SYCP1: variants seen among roughly 807,000 people sequenced by gnomAD.
SYCP1 encodes the protein cancer/testis antigen 8.
SYCP1 carries 64 observed loss-of-function variants against 153.1 expected under a neutral mutation model. That is an observed-to-expected ratio of 0.42 (90% CI 0.34 to 0.51). The LOEUF (loss-of-function observed/expected upper bound fraction) is 0.51, where lower values mean the gene tolerates loss of function less well. Among genes scored for constraint, SYCP1 ranks in the 20% least tolerant of loss-of-function variants. The pLI is 0.06. For synonymous variants in SYCP1, 384 were observed against 341.8 expected, an observed-to-expected ratio of 1.12 and a Z score of -1.36; for missense variants, 997 against 1,049.0, an observed-to-expected ratio of 0.95 and a Z score of 0.68.
rs115709775 is a variant in SYCP1 at position 114,856,048 on chromosome 1, A to G, written c.108+476A>G. The stretch of plus-strand genomic sequence containing the variant: ...TTATGTAATGGTGTTATCATTGGAT[A>G]GGAGGAATTATACCAAGTTTCTCAG... On this transcript the variant is annotated intron_variant, in intron 2 of 31. Coordinates refer to ENST00000369522, the MANE Select transcript of SYCP1 (RefSeq NM_003176.4). Among the ~76,000 whole-genome samples the G allele has an allele frequency of 4.2e-3, 634 of 152,316 alleles. 1 individual carries two copies. The highest frequency in any genetic ancestry group is 7.4e-3 in the Admixed American group (113 of 15,290).
intron 20 of SYCP1, among the ~76,000 whole-genome samples, chr1:114,915,381 C>T (rs1414119645): frequency 6.6e-6 from 1 of 152,168 alleles, no homozygotes; most frequent in Non-Finnish European, 1.5e-5. Flanking sequence ...TCTCAAAGCA[C>T]AAGTTACTAT....
At chr1:114,889,384 T>C (rs995311029) in intron 15 of SYCP1, among the ~76,000 whole-genome samples, 25 of 152,366 alleles carry the variant, frequency 1.6e-4, no homozygotes, top group African/African-American at 4.8e-4. Context: ...GACTTTTTAA[T>C]GATCGCCATT....
In SYCP1 at chr1:114,912,754, GTA is replaced by G. The variant is rs994370810; in HGVS notation, c.1530-277_1530-276del. ...ATGTGCTCTTCAAAATTTGTGGAAA[GTA>G]TGAAAGGATGAGCAAACAGGGAACA... On this transcript the variant is annotated intron_variant, in intron 18 of 31. Transcript: ENST00000369522. 3.8e-4 allele frequency among the ~76,000 whole-genome samples: 58 copies of G among 151,974 alleles called. 2 individuals carry two copies. Among genetic ancestry groups the G allele is most frequent in the African/African-American group, 1.4e-3 (58 of 41,512 alleles).
intron 11 of SYCP1, 109 bp from the exon 12 acceptor site, chr1:114,877,985 C>A: frequency 1.5e-6 from 1 of 646,290 alleles, no homozygotes; most frequent in Non-Finnish European, 2.6e-6. Context: ...GTTAAGTGGA[C>A]CAGCTGAAAA....
At chr1:114,984,445 C>T (rs1409430342) in intron 29 of SYCP1, among the ~76,000 whole-genome samples, 1 of 151,948 alleles carries the variant, frequency 6.6e-6, no homozygotes, top group Non-Finnish European at 1.5e-5. Flanking sequence ...GTGTGTCTGT[C>T]TCTCTGTTTC....
At position 114,910,479 on chromosome 1, in the gene SYCP1, T is replaced by G. The variant is rs775037981; in HGVS notation, c.1403T>G (p.Ile468Ser). ...EELKGTEQEL[I>S]GLLQAREKEV... Reference sequence around the variant, plus strand: ...TTAAAAGGAACAGAACAAGAACTAATTGGTCTTCTCCAAGCCAGAGAGGTT... The same window carrying G: ...TTAAAAGGAACAGAACAAGAACTAAGTGGTCTTCTCCAAGCCAGAGAGGTT... The change falls in exon 17 of 32, where the codon ATT becomes AGT. Residue 468 changes from isoleucine (I) to serine (S), a missense_variant. This residue lies in a region of SYCP1 where 712 missense variants were observed against 682.9 expected (regional missense o/e 1.04). Transcript: ENST00000369522. 2.5e-6 allele frequency: 4 copies of G among 1,590,600 alleles called. No homozygotes were observed. The highest frequency in any genetic ancestry group is 1.8e-5 in the Admixed American group (1 of 56,140).
intron 28 of SYCP1, among the ~76,000 whole-genome samples, chr1:114,978,222 A>C (rs994455152): frequency 2.0e-5 from 3 of 151,620 alleles, no homozygotes; most frequent in Non-Finnish European, 4.4e-5. Flanking sequence ...ATCTTCTGCC[A>C]CAAGTAGAGC....
intron 23 of SYCP1, among the ~76,000 whole-genome samples, chr1:114,935,718 G>A (rs950755497): frequency 2.0e-5 from 3 of 151,934 alleles, no homozygotes; most frequent in Non-Finnish European, 4.4e-5. Flanking sequence ...ATGATAAAGG[G>A]GATATCACCA....
intron 12 of SYCP1, among the ~76,000 whole-genome samples, chr1:114,882,924 A>C (rs999333574): frequency 1.3e-5 from 2 of 152,156 alleles, no homozygotes; most frequent in African/African-American, 4.8e-5. Context: ...ATTGTACAAA[A>C]GTTTACTTCT....
intron 27 of SYCP1, among the ~76,000 whole-genome samples, chr1:114,974,134 G>T (rs916105645): frequency 6.6e-6 from 1 of 151,728 alleles, no homozygotes; most frequent in Non-Finnish European, 1.5e-5. Context: ...TAATCCAAGA[G>T]TCTTTTTTTG....
chr1:114,881,751 C>T (rs1665958722), intron 12 of SYCP1, among the ~76,000 whole-genome samples: 1 of 152,266 alleles, frequency 6.6e-6, no homozygotes, highest in African/African-American at 2.4e-5. Flanking sequence ...ATCCTCCTGC[C>T]TTGGCTTCCC....
intron 16 of SYCP1, among the ~76,000 whole-genome samples, chr1:114,898,216 G>A (rs1008999628): frequency 3.9e-5 from 6 of 152,140 alleles, no homozygotes; most frequent in Non-Finnish European, 7.3e-5. Context: ...ACTCCTTATC[G>A]TAAGCTGAAT....
chr1:114,988,217 G>C (rs1673668696), intron 30 of SYCP1, among the ~76,000 whole-genome samples: 1 of 151,624 alleles, frequency 6.6e-6, no homozygotes, highest in Admixed American at 6.6e-5. Flanking sequence ...AAGAGGTGGG[G>C]GGGTAGACAG....
intron 23 of SYCP1, among the ~76,000 whole-genome samples, chr1:114,937,732 T>C (rs1360637689): frequency 6.6e-6 from 1 of 151,976 alleles, no homozygotes; most frequent in Non-Finnish European, 1.5e-5. Context: ...AAAAAGTGGG[T>C]GAAGGATATG....
At chr1:114,913,393 T>C (rs1007764026) in intron 19 of SYCP1, among the ~76,000 whole-genome samples, 1 of 152,000 alleles carries the variant, frequency 6.6e-6, no homozygotes, top group African/African-American at 2.4e-5. Context: ...GGCATCAAGA[T>C]TTTTAAAAAG....
intron 16 of SYCP1, among the ~76,000 whole-genome samples, chr1:114,909,182 T>C (rs1202497380): frequency 2.0e-5 from 3 of 152,148 alleles, no homozygotes; most frequent in African/African-American, 7.2e-5. Context: ...TTCTTTGTTC[T>C]GTATGATTTC....
chr1:114,914,960 G>T (rs1385474745), intron 20 of SYCP1, among the ~76,000 whole-genome samples: 2 of 151,828 alleles, frequency 1.3e-5, no homozygotes, highest in Admixed American at 6.6e-5. Context: ...ATGCTATCAA[G>T]ACACAGGATT....
At chr1:114,984,911 T>G in intron 30 of SYCP1, 43 bp downstream of exon 30, 1 of 1,007,222 alleles carries the variant, frequency 9.9e-7, no homozygotes, top group Non-Finnish European at 1.3e-6. Flanking sequence ...TTTATATTAC[T>G]TATTTGTATA....
chr1:114,924,092 T>G (rs920513831), intron 21 of SYCP1, among the ~76,000 whole-genome samples: 1 of 152,192 alleles, frequency 6.6e-6, no homozygotes, highest in African/African-American at 2.4e-5. Context: ...TTCTGGGTGT[T>G]ACGTTTGGAT....
Sources: gnomAD v4.1 joint callset for allele counts (sites outside exome capture counted in the v4.1 genomes callset) on GRCh38, gnomAD v4.1.1 for gene constraint, gnomAD v4.1.1 regional missense constraint, MANE v1.5 for transcripts, NCBI Gene and HGNC (gene_info 2026-07-23, HGNC 2026-07-21) for gene names.